CDH10: variants seen among roughly 807,000 people sequenced by gnomAD.
CDH10 encodes the protein cadherin-10.
In CDH10, 30 loss-of-function variants were observed where a neutral mutation model predicts 73.1. The ratio of observed to expected loss-of-function variants is 0.41; its 90% CI spans 0.31 to 0.56. CDH10 has a LOEUF of 0.56. Among genes scored for constraint, CDH10 ranks in the 20% least tolerant of loss-of-function variants. The pLI is 0.27. For synonymous variants in CDH10, 345 were observed against 348.2 expected, an observed-to-expected ratio of 0.99 and a Z score of 0.10; for missense variants, 815 against 973.7, an observed-to-expected ratio of 0.84 and a Z score of 2.17.
chr5:24,563,274 T>G (rs1030083700), intron 2 of CDH10, among the ~76,000 whole-genome samples: 3 of 152,070 alleles, frequency 2.0e-5, no homozygotes, highest in Non-Finnish European at 4.4e-5. Context: ...TATATTTGGG[T>G]TAGGCATTTA....
intron 5 of CDH10, among the ~76,000 whole-genome samples, chr5:24,527,668 A>G (rs1743582726): frequency 6.6e-6 from 1 of 151,916 alleles, no homozygotes; most frequent in African/African-American, 2.4e-5. Flanking sequence ...GTGTCTAAAC[A>G]TAGCTAAACA....
rs117592135 is a variant in CDH10, at chr5:24,544,006, A to G, written c.232-6332T>C. Among the ~76,000 whole-genome samples the G allele has an allele frequency of 3.3e-3, 507 of 152,222 alleles. 25 individuals carry two copies. The East Asian group carries it at 0.081, about 24-fold the overall frequency. Reference sequence around the variant, plus strand: ...CTCGATAAAACAATTCTTCCTTCAAAAGTGGAAGGCCGGGTGTGGTGGCTT... The same window carrying G: ...CTCGATAAAACAATTCTTCCTTCAAGAGTGGAAGGCCGGGTGTGGTGGCTT... On this transcript the variant is annotated intron_variant, in intron 2 of 11. Coordinates refer to ENST00000264463, the MANE Select transcript of CDH10 (RefSeq NM_006727.5).
intron 1 of CDH10, among the ~76,000 whole-genome samples, chr5:24,596,484 A>G (rs1746375436): frequency 6.6e-6 from 1 of 151,880 alleles, no homozygotes. Flanking sequence ...TCTTATTTAA[A>G]ATATATCCTA....
intron 5 of CDH10, among the ~76,000 whole-genome samples, chr5:24,528,449 A>G (rs1391820227): frequency 1.3e-5 from 2 of 151,838 alleles, no homozygotes; most frequent in Non-Finnish European, 2.9e-5. Flanking sequence ...ATTAAATCAA[A>G]TCTCTCTTGT....
At chr5:24,526,992 C>A (rs1438701144) in intron 5 of CDH10, among the ~76,000 whole-genome samples, 1 of 150,360 alleles carries the variant, frequency 6.7e-6, no homozygotes, top group Non-Finnish European at 1.5e-5. Context: ...CCCTCATTGC[C>A]CCTTATTTTT....
intron 1 of CDH10, among the ~76,000 whole-genome samples, chr5:24,624,528 G>A (rs368032447): frequency 9.2e-5 from 14 of 152,208 alleles, no homozygotes; most frequent in African/African-American, 3.4e-4. Context: ...GTCAGAATAT[G>A]AAATTGCATG....
At chr5:24,500,536 C>T (rs7714385) in intron 8 of CDH10, among the ~76,000 whole-genome samples, 105,894 of 152,196 alleles carry the variant, frequency 0.7, 38,296 homozygotes, top group Non-Finnish European at 0.79. Context: ...TGGGGTCTAA[C>T]ATAGCTGCTG....
intron 2 of CDH10, among the ~76,000 whole-genome samples, chr5:24,559,365 T>A (rs1161504740): frequency 2.0e-5 from 3 of 151,970 alleles, no homozygotes; most frequent in Admixed American, 2.0e-4. Flanking sequence ...CAAATGTATA[T>A]CTGGGCACAT....
chr5:24,636,403 G>T (rs1161564821), intron 1 of CDH10, among the ~76,000 whole-genome samples: 1 of 151,950 alleles, frequency 6.6e-6, no homozygotes, highest in Non-Finnish European at 1.5e-5. Flanking sequence ...GGAAATCTCA[G>T]TGCTTCTAGA....
chr5:24,598,557 G>A (rs1177460582), intron 1 of CDH10, among the ~76,000 whole-genome samples: 2 of 150,128 alleles, frequency 1.3e-5, no homozygotes, highest in Non-Finnish European at 3.0e-5. Flanking sequence ...AAAAAAGGTG[G>A]ACCATTTTAT....
At chr5:24,597,979 A>G (rs1746429451) in intron 1 of CDH10, among the ~76,000 whole-genome samples, 1 of 151,924 alleles carries the variant, frequency 6.6e-6, no homozygotes. Flanking sequence ...CGAAAATGCT[A>G]AAGATTATAG....
chr5:24,586,168 T>C (rs577469272), intron 2 of CDH10, among the ~76,000 whole-genome samples: 1 of 152,286 alleles, frequency 6.6e-6, no homozygotes, highest in South Asian at 2.1e-4. Context: ...CCTCTAATCT[T>C]GGGCTAGGAT....
chr5:24,625,567 A>G (rs1376442081), intron 1 of CDH10, among the ~76,000 whole-genome samples: 1 of 20,550 alleles, frequency 4.9e-5, no homozygotes, highest in East Asian at 7.4e-3. Flanking sequence ...ATATATTCAT[A>G]TATATACATA....
chr5:24,580,216 G>A (rs1217382005), intron 2 of CDH10, among the ~76,000 whole-genome samples: 1 of 151,794 alleles, frequency 6.6e-6, no homozygotes, highest in African/African-American at 2.4e-5. Flanking sequence ...CATGTCATGG[G>A]GGTTTGTTAT....
chr5:24,576,921 A>C lies in CDH10; in HGVS notation c.231+16339T>G, dbSNP rs191371131. Among the ~76,000 whole-genome samples, 571 of 151,992 alleles carry C rather than the reference A, an allele frequency of 3.8e-3. 2 individuals carry two copies. Among genetic ancestry groups the C allele is most frequent in the Admixed American group, 4.1e-3 (62 of 15,240 alleles). ...ATTGAAAACATCTGTCCATGCCATG[A>C]TATGATGTGCTGAGAATGGCATTTT... On this transcript the variant is annotated intron_variant, in intron 2 of 11. Transcript: ENST00000264463.
chr5:24,536,660 A>G (rs974666614), intron 3 of CDH10, among the ~76,000 whole-genome samples: 2 of 151,990 alleles, frequency 1.3e-5, no homozygotes, highest in African/African-American at 4.8e-5. Context: ...TTCTTGGCCT[A>G]CAGATACATC....
rs1579754504 is a variant in CDH10, at chr5:24,521,437, T to A, written c.815-9923A>T. On this transcript the variant is annotated intron_variant, in intron 5 of 11. Coordinates refer to ENST00000264463, the MANE Select transcript of CDH10 (RefSeq NM_006727.5). ...TGCATGCTTGCATGCCTGACTAACA[T>A]GGAGAAACCTCCTTACAAAATTAGG... Among the ~76,000 whole-genome samples the A allele has an allele frequency of 2.0e-5, 3 of 152,128 alleles. 1 individual carries two copies. The South Asian group carries it at 6.2e-4, about 32-fold the overall frequency.
intron 2 of CDH10, among the ~76,000 whole-genome samples, chr5:24,565,739 T>A (rs1745143328): frequency 6.6e-6 from 1 of 151,842 alleles, no homozygotes. Flanking sequence ...GAACTCTCGC[T>A]CTCTGTCTCT....
At chr5:24,554,480 G>GTA (rs1561159517) in intron 2 of CDH10, among the ~76,000 whole-genome samples, 1 of 59,264 alleles carries the variant, frequency 1.7e-5, no homozygotes, top group African/African-American at 6.1e-5. Flanking sequence ...ATTCGTGTGT[G>GTA]TGTGTGTGTG....
Sources: gnomAD v4.1 joint callset for allele counts (sites outside exome capture counted in the v4.1 genomes callset) on GRCh38, gnomAD v4.1.1 for gene constraint, MANE v1.5 for transcripts, NCBI Gene and HGNC (gene_info 2026-07-23, HGNC 2026-07-21) for gene names.